The following RIN2 variants were observed in gnomAD, a reference collection of about 807,000 sequenced individuals.
RIN2 encodes the protein Ras and Rab interactor 2, also known as RAB5 interacting protein 2.
RIN2 carries 36 observed loss-of-function variants against 78.0 expected under a neutral mutation model. The ratio of observed to expected loss-of-function variants is 0.46; its 90% CI spans 0.35 to 0.61. The LOEUF is 0.61. RIN2 is among the 20% of genes least tolerant of loss of function. RIN2 has a pLI of 0.00. For synonymous variants in RIN2, 466 were observed against 466.8 expected (o/e 1.00, Z 0.02); for missense variants, 1,087 against 1,159.7 (o/e 0.94, Z 0.91).
intron 12 of RIN2, among the ~76,000 whole-genome samples, chr20:20,000,123 G>A (rs1192229805): frequency 1.3e-5 from 2 of 152,106 alleles, no homozygotes; most frequent in African/African-American, 2.4e-5. Context: ...TGAGCCCAGC[G>A]GTATGAGTCC....
chr20:19,758,877 C>T (rs1319397505), intron 1 of RIN2, among the ~76,000 whole-genome samples: 3 of 152,184 alleles, frequency 2.0e-5, no homozygotes, highest in Non-Finnish European at 1.5e-5. Flanking sequence ...ATGCTCCGAC[C>T]GGAGATTTCC....
intron 9 of RIN2, among the ~76,000 whole-genome samples, chr20:19,986,844 T>C (rs1246816402): frequency 6.6e-6 from 1 of 152,226 alleles, no homozygotes; most frequent in African/African-American, 2.4e-5. Context: ...AGTGTGTAAA[T>C]CTTAAGTACT....
chr20:19,862,134 A>G (rs941998915), intron 2 of RIN2, among the ~76,000 whole-genome samples: 1 of 152,256 alleles, frequency 6.6e-6, no homozygotes, highest in Non-Finnish European at 1.5e-5. Flanking sequence ...AGGTTGGTTT[A>G]GCCAGAGTCT....
chr20:19,974,792 C>T lies in RIN2; in HGVS notation c.767C>T (p.Thr256Met), dbSNP rs1357950873. 1 of 1,613,902 alleles carries T rather than the reference C, an allele frequency of 6.2e-7. No individual in the cohort carries two copies. Among genetic ancestry groups the T allele is most frequent in the Non-Finnish European group, 8.5e-7 (1 of 1,179,906 alleles). The change falls in exon 9 of 13, where the codon ACG becomes ATG. Residue 256 changes from threonine to methionine, a missense_variant. Coordinates refer to ENST00000255006, the MANE Select transcript of RIN2 (RefSeq NM_018993.4). ...GGAGTGCATTCTATCAAAACCAGGA[C>T]GCCTTCAGAGCTGGAGTGCAGCCAG... ...INGVHSIKTR[T>M]PSELECSQTN...
At chr20:19,893,366 G>A (rs2038571333) in intron 3 of RIN2, among the ~76,000 whole-genome samples, 1 of 152,184 alleles carries the variant, frequency 6.6e-6, no homozygotes, top group Non-Finnish European at 1.5e-5. Flanking sequence ...TTCCACATGA[G>A]TATTATCCCT....
At chr20:19,920,953 G>A (rs1159814897) in intron 3 of RIN2, among the ~76,000 whole-genome samples, 2 of 152,182 alleles carry the variant, frequency 1.3e-5, no homozygotes, top group African/African-American at 2.4e-5. Context: ...GATTAGAGGC[G>A]TGAGCCGCCA....
At chr20:19,761,895 CCT>C (rs1568728523) in intron 1 of RIN2, among the ~76,000 whole-genome samples, 3 of 152,172 alleles carry the variant, frequency 2.0e-5, no homozygotes, top group African/African-American at 4.8e-5. Flanking sequence ...CTGAGAATCC[CCT>C]CAAACGCAGC....
chr20:19,908,369 C>T (rs1009814043), intron 3 of RIN2, among the ~76,000 whole-genome samples: 2 of 151,920 alleles, frequency 1.3e-5, no homozygotes, highest in African/African-American at 2.4e-5. Flanking sequence ...CGGGCGCCTG[C>T]AGTCCCAGCT....
At chr20:19,941,930 T>C (rs929089770) in intron 4 of RIN2, among the ~76,000 whole-genome samples, 1 of 152,004 alleles carries the variant, frequency 6.6e-6, no homozygotes, top group East Asian at 1.9e-4. Flanking sequence ...TTGGCCAACA[T>C]GGTGAAACCC....
intron 3 of RIN2, among the ~76,000 whole-genome samples, chr20:19,925,286 T>A (rs1272161369): frequency 2.6e-5 from 4 of 152,064 alleles, no homozygotes; most frequent in East Asian, 1.9e-4. Flanking sequence ...TCCAGATGAA[T>A]GAAAGGACTA....
At chr20:19,936,514 C>A (rs1193043296) in intron 4 of RIN2, among the ~76,000 whole-genome samples, 1 of 152,136 alleles carries the variant, frequency 6.6e-6, no homozygotes, top group African/African-American at 2.4e-5. Flanking sequence ...TCTTTCATAG[C>A]CAGGAAAGGC....
chr20:19,940,132 G>A (rs564870440), intron 4 of RIN2, among the ~76,000 whole-genome samples: 19 of 152,268 alleles, frequency 1.2e-4, no homozygotes, highest in East Asian at 5.8e-4. Context: ...GATCACAAGC[G>A]TGTGCCACCA....
At chr20:19,970,368 T>C in intron 7 of RIN2, among the ~76,000 whole-genome samples, 1 of 152,174 alleles carries the variant, frequency 6.6e-6, no homozygotes, top group East Asian at 1.9e-4. Context: ...ATTTCATAAG[T>C]AAAGCCAACA....
At chr20:19,822,044 C>G (rs2035941920) in intron 2 of RIN2, among the ~76,000 whole-genome samples, 1 of 152,158 alleles carries the variant, frequency 6.6e-6, no homozygotes, top group Non-Finnish European at 1.5e-5. Flanking sequence ...ATTCTCCTCC[C>G]ACTTTTTGGA....
intron 3 of RIN2, among the ~76,000 whole-genome samples, chr20:19,899,030 C>T (rs958524566): frequency 1.3e-5 from 2 of 152,156 alleles, no homozygotes; most frequent in African/African-American, 4.8e-5. Flanking sequence ...AAAACACGCC[C>T]CACCTTTTTA....
At chr20:19,930,528 G>C (rs2040400553) in intron 3 of RIN2, among the ~76,000 whole-genome samples, 1 of 152,200 alleles carries the variant, frequency 6.6e-6, no homozygotes, top group African/African-American at 2.4e-5. Flanking sequence ...CAGTATGATG[G>C]TTGTGAAGGT....
At chr20:19,884,867 C>G (rs990054318) in intron 2 of RIN2, among the ~76,000 whole-genome samples, 8 of 152,156 alleles carry the variant, frequency 5.3e-5, no homozygotes, top group African/African-American at 1.9e-4. Flanking sequence ...AGCGACCAGG[C>G]AAAAAAAGTG....
intron 2 of RIN2, among the ~76,000 whole-genome samples, chr20:19,821,712 C>G (rs1437415702): frequency 2.0e-5 from 3 of 152,154 alleles, no homozygotes; most frequent in African/African-American, 4.8e-5. Context: ...CTCATCCTTT[C>G]AGGCTCAACT....
At chr20:19,847,134 T>C (rs1015842811) in intron 2 of RIN2, among the ~76,000 whole-genome samples, 3 of 152,256 alleles carry the variant, frequency 2.0e-5, no homozygotes, top group Non-Finnish European at 2.9e-5. Context: ...CTGAATAGGA[T>C]AATGGCACAG....
Sources: gnomAD v4.1 joint callset for allele counts (sites outside exome capture counted in the v4.1 genomes callset) on GRCh38, gnomAD v4.1.1 for gene constraint, MANE v1.5 for transcripts, NCBI Gene and HGNC (gene_info 2026-07-23, HGNC 2026-07-21) for gene names.